Variants in CSMD1 observed in about 807,000 individuals in gnomAD.
CSMD1 encodes CUB and sushi domain-containing protein 1.
A neutral mutation model predicts 417.5 loss-of-function variants in CSMD1; 213 were observed. The ratio of observed to expected loss-of-function variants is 0.51; its 90% CI spans 0.46 to 0.57. CSMD1 has a LOEUF of 0.57. CSMD1 is among the 20% of genes least tolerant of loss of function. The pLI is 0.00. For synonymous variants in CSMD1, 2,862 were observed against 1,736.8 expected (o/e 1.65, Z -16.11); for missense variants, 6,923 against 4,529.7 (o/e 1.53, Z -15.17).
chr8:3,462,768 G>A (rs973162088), intron 12 of CSMD1, among the ~76,000 whole-genome samples: 6 of 151,860 alleles, frequency 4.0e-5, no homozygotes, highest in African/African-American at 1.5e-4. Context: ...CCTTAAAACC[G>A]GTCCCTTGTG....
chr8:4,517,409 A>G (rs1158289813), intron 2 of CSMD1, among the ~76,000 whole-genome samples: 3 of 152,232 alleles, frequency 2.0e-5, no homozygotes, highest in African/African-American at 4.8e-5. Context: ...TTCCTCGCCT[A>G]TAACACGCAG....
intron 5 of CSMD1, among the ~76,000 whole-genome samples, chr8:3,906,639 T>C (rs1808130768): frequency 6.6e-6 from 1 of 151,780 alleles, no homozygotes; most frequent in East Asian, 1.9e-4. Flanking sequence ...TTTTTTTTTT[T>C]CAGATTTGCA....
chr8:4,459,564 G>C (rs900260592), intron 2 of CSMD1, among the ~76,000 whole-genome samples: 9 of 152,206 alleles, frequency 5.9e-5, no homozygotes, highest in African/African-American at 2.2e-4. Context: ...TAGAGCTGCA[G>C]GCTAATCCAT....
At chr8:3,307,440 G>C (rs1804961964) in intron 25 of CSMD1, among the ~76,000 whole-genome samples, 1 of 152,084 alleles carries the variant, frequency 6.6e-6, no homozygotes, top group African/African-American at 2.4e-5. Context: ...ACTAAATTTG[G>C]GGGATAGTTT....
chr8:3,049,044 A>G (rs574939197), intron 50 of CSMD1, among the ~76,000 whole-genome samples: 2 of 152,228 alleles, frequency 1.3e-5, no homozygotes, highest in Middle Eastern at 3.4e-3. Context: ...ACTACTGCAC[A>G]TCTATGAGAA....
chr8:4,020,639 T>C (rs550954110), intron 4 of CSMD1, among the ~76,000 whole-genome samples: 1 of 152,168 alleles, frequency 6.6e-6, no homozygotes, highest in Non-Finnish European at 1.5e-5. Flanking sequence ...TCACTCTTCT[T>C]TATTTTTTCT....
chr8:3,954,756 C>G (rs181086205), intron 5 of CSMD1, among the ~76,000 whole-genome samples: 2 of 151,738 alleles, frequency 1.3e-5, no homozygotes, highest in Non-Finnish European at 3.0e-5. Context: ...CCCCTCAGAA[C>G]TGAGCATGCG....
chr8:4,415,633 T>C (rs773161016), intron 3 of CSMD1, among the ~76,000 whole-genome samples: 1 of 152,222 alleles, frequency 6.6e-6, no homozygotes, highest in Non-Finnish European at 1.5e-5. Flanking sequence ...CAGTATTCAT[T>C]TCATCTTTGT....
chr8:4,655,866 G>A (rs1804197914), intron 1 of CSMD1, among the ~76,000 whole-genome samples: 1 of 152,062 alleles, frequency 6.6e-6, no homozygotes, highest in Non-Finnish European at 1.5e-5. Flanking sequence ...GAAAAGAAAA[G>A]CATGTTTCAT....
In CSMD1 at chr8:4,056,897, A is replaced by G. The variant is rs537992159; in HGVS notation, c.416-24798T>C. On this transcript the variant is annotated intron_variant, in intron 3 of 69. Transcript: ENST00000635120. Reference sequence around the variant, plus strand: ...TTTTTATGGCTGCATAGTATTCCATAGAGTATATGTGCCACACTTTCTTAA... The same window carrying G: ...TTTTTATGGCTGCATAGTATTCCATGGAGTATATGTGCCACACTTTCTTAA... Among the ~76,000 whole-genome samples, 14 of 152,306 alleles carry G rather than the reference A, an allele frequency of 9.2e-5. No homozygotes were observed. The South Asian group carries it at 2.9e-3, about 32-fold the overall frequency.
chr8:3,688,554 T>C (rs957308996), intron 7 of CSMD1, among the ~76,000 whole-genome samples: 1 of 152,234 alleles, frequency 6.6e-6, no homozygotes, highest in African/African-American at 2.4e-5. Flanking sequence ...ACAATGCATG[T>C]GCTTAATAAA....
chr8:3,676,670 C>G (rs1044739233), intron 7 of CSMD1, among the ~76,000 whole-genome samples: 2 of 152,120 alleles, frequency 1.3e-5, no homozygotes, highest in Non-Finnish European at 2.9e-5. Flanking sequence ...GTATATGAAT[C>G]AAGTTCCATA....
intron 8 of CSMD1, among the ~76,000 whole-genome samples, chr8:3,593,320 C>T (rs1022066719): frequency 5.3e-5 from 8 of 152,174 alleles, no homozygotes; most frequent in Non-Finnish European, 7.3e-5. Context: ...ATGGAGAAGC[C>T]CCTGTGTCTC....
intron 1 of CSMD1, among the ~76,000 whole-genome samples, chr8:4,643,693 G>T (rs17070951): frequency 6.6e-6 from 1 of 152,138 alleles, no homozygotes; most frequent in African/African-American, 2.4e-5. Flanking sequence ...TCAGATAAGC[G>T]CTGTTTGAAA....
intron 8 of CSMD1, among the ~76,000 whole-genome samples, chr8:3,595,167 G>T (rs1235777671): frequency 6.6e-6 from 1 of 152,192 alleles, no homozygotes; most frequent in Non-Finnish European, 1.5e-5. Context: ...GGCCTCTGCT[G>T]AGGGATGCCC....
chr8:4,141,484 T>G (rs981721378), intron 3 of CSMD1, among the ~76,000 whole-genome samples: 2 of 151,142 alleles, frequency 1.3e-5, no homozygotes, highest in Non-Finnish European at 2.9e-5. Context: ...AATATGCCAT[T>G]TGGTCTTCAC....
chr8:3,862,899 G>T (rs966517504), intron 5 of CSMD1, among the ~76,000 whole-genome samples: 2 of 152,088 alleles, frequency 1.3e-5, no homozygotes, highest in Non-Finnish European at 2.9e-5. Context: ...TTCATTCCAG[G>T]ACCTATAGCA....
chr8:4,653,040 T>A, intron 1 of CSMD1, among the ~76,000 whole-genome samples: 1 of 152,180 alleles, frequency 6.6e-6, no homozygotes, highest in African/African-American at 2.4e-5. Flanking sequence ...GATAGGTACC[T>A]GTCCTCAGTC....
At chr8:3,943,822 G>A (rs564107954) in intron 5 of CSMD1, among the ~76,000 whole-genome samples, 1 of 152,188 alleles carries the variant, frequency 6.6e-6, no homozygotes, top group South Asian at 2.1e-4. Context: ...CTCCAAAAGT[G>A]TAAAGGATAT....
Sources: gnomAD v4.1 joint callset for allele counts (sites outside exome capture counted in the v4.1 genomes callset) on GRCh38, gnomAD v4.1.1 for gene constraint, MANE v1.5 for transcripts, NCBI Gene and HGNC (gene_info 2026-07-23, HGNC 2026-07-21) for gene names.